The following ASIC2 variants were observed in gnomAD, a reference collection of about 807,000 sequenced individuals.
ASIC2 encodes acid-sensing ion channel 2.
Under a neutral mutation model 57.3 loss-of-function variants are expected in ASIC2, and 25 were observed. That is an observed-to-expected ratio of 0.44 (90% CI 0.32 to 0.61). ASIC2 has a LOEUF of 0.61. Among genes scored for constraint, ASIC2 ranks in the 20% least tolerant of loss-of-function variants. The pLI, the probability that ASIC2 is intolerant of heterozygous loss-of-function variation, is 0.06. For missense variants in ASIC2, 641 were observed against 738.1 expected (o/e 0.87, Z 1.52); for synonymous variants, 319 against 307.5 (o/e 1.04, Z -0.39).
intron 1 of ASIC2, among the ~76,000 whole-genome samples, chr17:33,777,008 C>G (rs1431567781): frequency 6.6e-6 from 1 of 152,212 alleles, no homozygotes; most frequent in Non-Finnish European, 1.5e-5. Flanking sequence ...GATGGCTTCC[C>G]ATTACCACCA....
intron 3 of ASIC2, among the ~76,000 whole-genome samples, chr17:33,067,063 G>C (rs1238005030): frequency 2.6e-5 from 4 of 152,176 alleles, no homozygotes; most frequent in African/African-American, 9.6e-5. Flanking sequence ...GAACATCGCA[G>C]GCAAAAGACC....
At chr17:33,104,210 AC>A (rs1384947806) in intron 2 of ASIC2, among the ~76,000 whole-genome samples, 1 of 152,110 alleles carries the variant, frequency 6.6e-6, no homozygotes, top group African/African-American at 2.4e-5. Context: ...TATAAAAAAA[AC>A]CCTTCGATTG....
intron 1 of ASIC2, among the ~76,000 whole-genome samples, chr17:33,822,099 A>C (rs545767994): frequency 6.6e-6 from 1 of 152,292 alleles, no homozygotes; most frequent in Non-Finnish European, 1.5e-5. Flanking sequence ...CTGTAACTGG[A>C]ATGACATAAC....
chr17:33,805,957 A>G (rs1475388784), intron 1 of ASIC2, among the ~76,000 whole-genome samples: 1 of 152,242 alleles, frequency 6.6e-6, no homozygotes, highest in East Asian at 1.9e-4. Context: ...CACATATTAT[A>G]GTTCAAGAGA....
intron 1 of ASIC2, among the ~76,000 whole-genome samples, chr17:33,972,025 T>A (rs1232994142): frequency 6.6e-6 from 1 of 152,136 alleles, no homozygotes; most frequent in East Asian, 1.9e-4. Flanking sequence ...TTCCCAACAA[T>A]GCGGGATGGG....
At chr17:33,859,025 A>C (rs1206956067) in intron 1 of ASIC2, among the ~76,000 whole-genome samples, 1 of 152,226 alleles carries the variant, frequency 6.6e-6, no homozygotes, top group Admixed American at 6.5e-5. Flanking sequence ...ATATTCATTC[A>C]TGTAGTCAAT....
At chr17:33,426,867 G>A (rs1297290424) in intron 1 of ASIC2, among the ~76,000 whole-genome samples, 1 of 152,166 alleles carries the variant, frequency 6.6e-6, no homozygotes, top group East Asian at 1.9e-4. Context: ...GAAAAAACAA[G>A]GTGCTATGGG....
chr17:33,253,514 T>A (rs1567799808), intron 1 of ASIC2, among the ~76,000 whole-genome samples: 1 of 152,234 alleles, frequency 6.6e-6, no homozygotes. Flanking sequence ...AGACAGATTT[T>A]CTTGCATTTC....
At chr17:33,536,120 C>T (rs1273803507) in intron 1 of ASIC2, among the ~76,000 whole-genome samples, 1 of 152,186 alleles carries the variant, frequency 6.6e-6, no homozygotes, top group Non-Finnish European at 1.5e-5. Flanking sequence ...TTTTTTTCCA[C>T]CTGTGAAGGC....
chr17:33,079,912 G>A (rs530550254), intron 3 of ASIC2, among the ~76,000 whole-genome samples: 1 of 152,276 alleles, frequency 6.6e-6, no homozygotes, highest in East Asian at 1.9e-4. Flanking sequence ...CATTTACAGA[G>A]TTTTGAATCT....
chr17:33,693,435 T>A (rs1350617320), intron 1 of ASIC2, among the ~76,000 whole-genome samples: 2 of 152,158 alleles, frequency 1.3e-5, no homozygotes, highest in Non-Finnish European at 2.9e-5. Flanking sequence ...GATAGGAACA[T>A]CCTGGGGCAA....
At chr17:33,880,167 T>C (rs566128980) in intron 1 of ASIC2, among the ~76,000 whole-genome samples, 6 of 152,172 alleles carry the variant, frequency 3.9e-5, no homozygotes, top group African/African-American at 1.4e-4. Flanking sequence ...AGATCAAAAA[T>C]TGACATCCTA....
intron 1 of ASIC2, among the ~76,000 whole-genome samples, chr17:33,475,762 C>A (rs1006024212): frequency 6.6e-6 from 1 of 152,168 alleles, no homozygotes; most frequent in Non-Finnish European, 1.5e-5. Context: ...AAGCAAGCGG[C>A]CTTATCTGAA....
At chr17:33,506,238 C>CAAAAAAA (rs533194191) in intron 1 of ASIC2, among the ~76,000 whole-genome samples, 44 of 114,028 alleles carry the variant, frequency 3.9e-4, no homozygotes, top group East Asian at 1.1e-3. Flanking sequence ...ACTAAAAATA[C>CAAAAAAA]AAAAAAAAAA....
chr17:33,218,114 T>G (rs1180425210), intron 1 of ASIC2, among the ~76,000 whole-genome samples: 1 of 152,256 alleles, frequency 6.6e-6, no homozygotes, highest in Non-Finnish European at 1.5e-5. Flanking sequence ...TTTTAAATGT[T>G]TTTATTTAAA....
chr17:34,018,712 C>T (rs1342244821), intron 1 of ASIC2, among the ~76,000 whole-genome samples: 1 of 152,200 alleles, frequency 6.6e-6, no homozygotes, highest in Non-Finnish European at 1.5e-5. Context: ...AGGAATGTAA[C>T]TGCAGATGTG....
rs57916766 is a variant in ASIC2 at position 34,107,345 on chromosome 17, TA to T, written c.555+48632del. ...GGCAAAACCCCATCTCAACTAAAAA[TA>T]AAAAAATAAAAAATTAGCTAGGGGT... is the stretch of plus-strand genomic sequence containing the variant. On this transcript the variant is annotated intron_variant, in intron 1 of 9. Coordinates refer to the ASIC2 transcript ENST00000359872. Among the ~76,000 whole-genome samples, 117 of 151,784 alleles carry T rather than the reference TA, an allele frequency of 7.7e-4. No homozygotes were observed. The East Asian group carries it at 0.022, about 28-fold the overall frequency.
At chr17:33,682,841 T>C (rs2142058663) in intron 1 of ASIC2, among the ~76,000 whole-genome samples, 1 of 152,346 alleles carries the variant, frequency 6.6e-6, no homozygotes, top group South Asian at 2.1e-4. Context: ...TTCCCAGTAC[T>C]AAGGTAATGC....
At chr17:33,898,295 G>A (rs1915153448) in intron 1 of ASIC2, among the ~76,000 whole-genome samples, 1 of 133,570 alleles carries the variant, frequency 7.5e-6, no homozygotes, top group Admixed American at 8.6e-5. Context: ...GAGTGCAGTG[G>A]CGGGATCTTG....
Sources: gnomAD v4.1 joint callset for allele counts (sites outside exome capture counted in the v4.1 genomes callset) on GRCh38, gnomAD v4.1.1 for gene constraint, MANE v1.5 for transcripts, NCBI Gene and HGNC (gene_info 2026-07-23, HGNC 2026-07-21) for gene names.